The following NBPF26 variants were observed in gnomAD, a reference collection of about 807,000 sequenced individuals.
The protein encoded by NBPF26 is NBPF family member NBPF26.
A neutral mutation model predicts 119.6 loss-of-function variants in NBPF26; 79 were observed. The observed-to-expected ratio is 0.66, with a 90% CI of 0.55 to 0.80. NBPF26 has a LOEUF of 0.80. Among genes scored for constraint, NBPF26 ranks in the 30% least tolerant of loss-of-function variants. The pLI, the probability that NBPF26 is intolerant of heterozygous loss-of-function variation, is 0.00. For missense variants in NBPF26, 800 were observed against 1,198.2 expected (o/e 0.67, Z 4.91); for synonymous variants, 299 against 457.7 (o/e 0.65, Z 4.43).
intron 1 of NBPF26, among the ~76,000 whole-genome samples, chr1:120,763,399 CAG>C (rs1484046061): frequency 9.5e-6 from 1 of 105,626 alleles, no homozygotes; most frequent in Non-Finnish European, 1.7e-5. Flanking sequence ...TACTAAAACA[CAG>C]AGAAATAAGA....
At chr1:120,806,889 A>G (rs1351537843) in intron 5 of NBPF26, among the ~76,000 whole-genome samples, 2 of 124,792 alleles carry the variant, frequency 1.6e-5, no homozygotes, top group Non-Finnish European at 3.3e-5. Context: ...TACATGAGGT[A>G]TTTCCTGTCA....
At chr1:120,754,822 A>G (rs1335208707) in intron 1 of NBPF26, among the ~76,000 whole-genome samples, 1 of 113,956 alleles carries the variant, frequency 8.8e-6, no homozygotes, top group Non-Finnish European at 1.7e-5. Flanking sequence ...TTAGAAAAGT[A>G]CAATTCTACT....
chr1:120,805,633 A>G lies in NBPF26; in HGVS notation c.829A>G (p.Met277Val). ...CCATTGGTCCAGTGAGAAGGCAGAG[A>G]TGAACATTCTAGAAATCAACGAGAC... The change falls in exon 5 of 30, where the codon ATG (methionine) becomes GTG (valine). Residue 277 changes from methionine to valine, a missense_variant. By Grantham distance (21) the Met-to-Val change is conservative (BLOSUM62 1). This residue lies in a region of NBPF26 where 155 missense variants were observed against 143.7 expected (regional missense o/e 1.08). Coordinates refer to ENST00000620612, the Ensembl canonical transcript of NBPF26. 3.4e-6 allele frequency: 5 copies of G among 1,462,910 alleles called. 1 individual carries two copies. In the South Asian group the frequency reaches 4.7e-5, roughly 14 times the overall value. The allele number at this position is 1,462,910 out of a possible 1,614,324, so 90.6% of individuals were successfully genotyped here. A position where few individuals can be genotyped will look rare whatever the true frequency, so the allele number is the denominator to read the frequency against.
At chr1:120,838,542 GTGTGTCTA>G (rs1652450885) in intron 27 of NBPF26, among the ~76,000 whole-genome samples, 195 bp from the exon 34 acceptor site, 7 of 82,366 alleles carry the variant, frequency 8.5e-5, no homozygotes, top group African/African-American at 4.0e-4. Flanking sequence ...GTGTGTGTGT[GTGTGTCTA>G]TCTGTCTTTC....
chr1:120,767,846 T>G (rs1264595099), intron 2 of NBPF26, among the ~76,000 whole-genome samples: 1 of 111,930 alleles, frequency 8.9e-6, no homozygotes, highest in Non-Finnish European at 1.7e-5. Flanking sequence ...ATGATTTGTA[T>G]AATTGACAAA....
rs1397663782 is a variant in NBPF26, at chr1:120,815,360, A to G, written c.2092+317A>G. On this transcript the variant is annotated intron_variant, in intron 12 of 29. Coordinates refer to ENST00000620612, the Ensembl canonical transcript of NBPF26. ...GTTAGAGTGAAAAGAGCTCTGGACT[A>G]AGAATGAAGGTTCCCAGGCTGTCTT... is the stretch of plus-strand genomic sequence containing the variant. 2.1e-4 allele frequency among the ~76,000 whole-genome samples: 25 copies of G among 116,354 alleles called. 4 individuals are homozygous for G. In the East Asian group the frequency reaches 5.1e-3, roughly 24 times the overall value. The allele number at this position is 116,354 out of a possible 152,430, so 76.3% of individuals were successfully genotyped here.
chr1:120,825,270 A>T (rs1156726355), intron 18 of NBPF26, among the ~76,000 whole-genome samples: 1 of 122,260 alleles, frequency 8.2e-6, no homozygotes, highest in African/African-American at 4.6e-5. Context: ...TCTGTGTGTC[A>T]CCCGGCCAAT....
At position 120,821,989 on chromosome 1, in the gene NBPF26, C is replaced by A; in HGVS notation, c.2424-115C>A. The A allele has an allele frequency of 4.4e-6, 5 of 1,128,962 alleles. No homozygotes were observed. In the South Asian group the frequency reaches 6.9e-5, roughly 16 times the overall value. The allele number at this position is 1,128,962 out of a possible 1,614,324, so 69.9% of individuals were successfully genotyped here. Reference sequence around the variant, plus strand: ...TTTTATTCCTCTTGAAGGAAAAATGCCTTTGGTTTCTGTGACCACTCCATT... The same window carrying A: ...TTTTATTCCTCTTGAAGGAAAAATGACTTTGGTTTCTGTGACCACTCCATT... On this transcript the variant is annotated intron_variant, in intron 15 of 29. Coordinates refer to ENST00000620612, the Ensembl canonical transcript of NBPF26.
exon 5 of NBPF26, chr1:120,805,631 A>C: frequency 6.8e-7 from 1 of 1,463,084 alleles, no homozygotes. Flanking sequence ...GAGAAGGCAG[A>C]GATGAACATT....
Position 120,805,789 on chromosome 1 carries a change from A to T in NBPF26, c.961+24A>T. The T allele has an allele frequency of 1.5e-6, 2 of 1,314,578 alleles. 1 individual carries two copies. Among genetic ancestry groups the T allele is most frequent in the South Asian group, 2.5e-5 (2 of 81,458 alleles). The allele number at this position is 1,314,578 out of a possible 1,614,324, so 81.4% of individuals were successfully genotyped here. ...CAGTAAGATCTATAGGCTCACCATC[A>T]TGAAAGTGATGAATGATATCCTGTC... On this transcript the variant is annotated intron_variant, in intron 5 of 29. Coordinates refer to ENST00000620612, the Ensembl canonical transcript of NBPF26.
rs1650942546 is a variant in NBPF26, at chr1:120,740,209, CA to C, written c.73+15960del. 3.6e-5 allele frequency among the ~76,000 whole-genome samples: 5 copies of C among 138,498 alleles called. 1 individual carries two copies. 90.9% of individuals were successfully genotyped at this position (138,498 alleles called of 152,430 possible). A position where few individuals can be genotyped will look rare whatever the true frequency, so the allele number is the denominator to read the frequency against. ...GAAATCAGGTTTAAAATGTTAGAAG[CA>C]GTTGGTTTTCAGCATTGGGAAAGCT... On this transcript the variant is annotated intron_variant, in intron 1 of 29. Transcript: ENST00000620612.
chr1:120,809,933 G>A (rs1553270759), intron 8 of NBPF26, 50 bp downstream of exon 8: 2 of 1,536,922 alleles, frequency 1.3e-6, no homozygotes, highest in South Asian at 1.1e-5. Flanking sequence ...ATATGAAAAT[G>A]TCTAGGAGGC....
exon 1 of NBPF26, chr1:120,724,208 G>A: frequency 7.1e-7 from 1 of 1,405,910 alleles, no homozygotes; most frequent in South Asian, 1.3e-5. Context: ...TCTGCTGTGG[G>A]CGCTGCTGGC....
At position 120,823,670 on chromosome 1, in the gene NBPF26, C is replaced by A. The variant is rs1488053561; in HGVS notation, c.2640-304C>A. 4.9e-5 allele frequency among the ~76,000 whole-genome samples: 6 copies of A among 123,256 alleles called. 2 individuals are homozygous for A. The highest frequency in any genetic ancestry group is 7.8e-5 in the Admixed American group (1 of 12,846). 80.9% of individuals were successfully genotyped at this position (123,256 alleles called of 152,430 possible). A position where few individuals can be genotyped will look rare whatever the true frequency, so the allele number is the denominator to read the frequency against. ...ACATGCTTTTCATGATCACTGTTCACTGTGTGTCCTGAGAGCACAAATACA... is the reference window on the plus strand; with the variant it reads ...ACATGCTTTTCATGATCACTGTTCAATGTGTGTCCTGAGAGCACAAATACA... On this transcript the variant is annotated intron_variant, in intron 17 of 29. Transcript: ENST00000620612.
chr1:120,816,917 G>T, intron 14 of NBPF26, 90 bp downstream of exon 14: 2 of 1,338,628 alleles, frequency 1.5e-6, no homozygotes, highest in Middle Eastern at 2.6e-4. Context: ...AAATTCATTT[G>T]AATAAAAAAC....
At position 120,801,826 on chromosome 1, in the gene NBPF26, C is replaced by CAAAAA. The variant is rs1168359637; in HGVS notation, c.752-3709_752-3705dup. The stretch of plus-strand genomic sequence containing the variant: ...TGGGTGACAGAACAAGACCCTGTCT[C>CAAAAA]AAAAAAAAAAAAAAAAAAAAAAAAA... On this transcript the variant is annotated intron_variant, in intron 4 of 29. Coordinates refer to ENST00000620612, the Ensembl canonical transcript of NBPF26. Among the ~76,000 whole-genome samples the CAAAAA allele has an allele frequency of 3.1e-3, 28 of 9,062 alleles. 4 individuals are homozygous for CAAAAA. The highest frequency in any genetic ancestry group is 6.4e-3 in the South Asian group (1 of 156). 5.9% of individuals were successfully genotyped at this position (9,062 alleles called of 152,430 possible).
At position 120,811,106 on chromosome 1, in the gene NBPF26, G is replaced by C. The variant is rs1169387083; in HGVS notation, c.1564+548G>C. ...ATACAAAAAAAAAAAAAATTAGCTGGGTGTGGTGGTGGGTGCCTGTAGTCC... is the reference window on the plus strand; with the variant it reads ...ATACAAAAAAAAAAAAAATTAGCTGCGTGTGGTGGTGGGTGCCTGTAGTCC... On this transcript the variant is annotated intron_variant, in intron 9 of 29. Transcript: ENST00000620612. 2.9e-4 allele frequency among the ~76,000 whole-genome samples: 31 copies of C among 106,090 alleles called. 10 individuals are homozygous for C. The highest frequency in any genetic ancestry group is 1.6e-3 in the South Asian group (6 of 3,714). 69.6% of individuals were successfully genotyped at this position (106,090 alleles called of 152,430 possible).
In NBPF26 at chr1:120,822,093, T is replaced by A. The variant is rs1199213668; in HGVS notation, c.2424-11T>A. 91 of 1,446,848 alleles carry A rather than the reference T, an allele frequency of 6.3e-5. 18 individuals are homozygous for A. In the Middle Eastern group the frequency reaches 1.2e-3, roughly 19 times the overall value. 89.6% of individuals were successfully genotyped at this position (1,446,848 alleles called of 1,614,324 possible). On this transcript the variant is annotated splice_polypyrimidine_tract_variant and intron_variant, in intron 15 of 29. Transcript: ENST00000620612. ...AATCTTCTGTCATCCCTGTCCTGCCTGGCTCATCAGGAATCTGCAGGAGTC... is the reference window on the plus strand; with the variant it reads ...AATCTTCTGTCATCCCTGTCCTGCCAGGCTCATCAGGAATCTGCAGGAGTC...
chr1:120,783,484 C>G (rs1651388387), intron 2 of NBPF26, among the ~76,000 whole-genome samples: 1 of 40,284 alleles, frequency 2.5e-5, no homozygotes, highest in South Asian at 9.2e-4. Flanking sequence ...GATGAAGTTA[C>G]TTTAAATTGT....
Sources: allele counts gnomAD v4.1 joint callset (sites outside exome capture counted in the v4.1 genomes callset), GRCh38; gene constraint gnomAD v4.1.1; regional missense constraint gnomAD v4.1.1; transcripts MANE v1.5; gene names NCBI Gene and HGNC (gene_info 2026-07-23, HGNC 2026-07-21).